The following TTC3 variants were observed in gnomAD, a reference collection of about 807,000 sequenced individuals.
TTC3 encodes the protein E3 ubiquitin-protein ligase TTC3.
Under a neutral mutation model 249.6 loss-of-function variants are expected in TTC3, and 180 were observed. The observed-to-expected ratio is 0.72, with a 90% CI of 0.64 to 0.82. The LOEUF (loss-of-function observed/expected upper bound fraction) is 0.82, where lower values mean the gene tolerates loss of function less well. Ranked by LOEUF, TTC3 falls within the 40% of genes least tolerant of loss-of-function variation. The pLI is 0.00. For synonymous variants in TTC3, 717 were observed against 805.0 expected (o/e 0.89, Z 1.85); for missense variants, 2,061 against 2,398.4 (o/e 0.86, Z 2.94).
At chr21:37,104,606 A>G (rs111792499) in intron 10 of TTC3, among the ~76,000 whole-genome samples, 3,773 of 150,804 alleles carry the variant, frequency 0.025, 79 homozygotes, top group Non-Finnish European at 0.036. Context: ...AAAAAAAAAA[A>G]AAAGAAAGAA....
intron 28 of TTC3, among the ~76,000 whole-genome samples, chr21:37,158,588 C>T (rs370451731): frequency 2.0e-5 from 3 of 152,132 alleles, no homozygotes; most frequent in Admixed American, 2.0e-4. Flanking sequence ...TTGAGAGCCC[C>T]GACTTTTTCC....
intron 35 of TTC3, among the ~76,000 whole-genome samples, chr21:37,174,778 C>T (rs900593367): frequency 2.3e-4 from 35 of 152,098 alleles, no homozygotes; most frequent in African/African-American, 8.0e-4. Context: ...CTTTGACCCT[C>T]GGTCTTCTCA....
At chr21:37,135,462 C>T (rs2077844409) in exon 18 of TTC3, 17 of 1,614,064 alleles carry the variant, frequency 1.1e-5, no homozygotes, top group Non-Finnish European at 1.4e-5. Context: ...TGCCGCAGCG[C>T]TGCACAGGCC....
Position 37,147,612 on chromosome 21 carries a change from T to C in TTC3, c.2016+9T>C. On this transcript the variant is annotated intron_variant, in intron 22 of 45. Transcript: ENST00000355666. ...CTGATCCAGACTTTAAGGTAAATAA[T>C]GAGTGTACAGTGGGACATTAACTTG... is the stretch of plus-strand genomic sequence containing the variant. 1 of 1,598,160 alleles carries C rather than the reference T, an allele frequency of 6.3e-7. No individual in the cohort carries two copies. The highest frequency in any genetic ancestry group is 8.5e-7 in the Non-Finnish European group (1 of 1,175,076).
chr21:37,166,185 A>G lies in TTC3; in HGVS notation c.3971A>G (p.Gln1324Arg), dbSNP rs1452242274. 4 of 1,614,110 alleles carry G rather than the reference A, an allele frequency of 2.5e-6. No individual in the cohort carries two copies. The East Asian group carries it at 8.9e-5, about 36-fold the overall frequency. Residue 1324 changes from glutamine to arginine, a missense_variant, in exon 33 of 46, where the codon CAG (glutamine) becomes CGG (arginine). Around this residue, in one of 3 missense-constraint regions of TTC3, gnomAD observed 1,040 missense variants for 1,186.1 expected, o/e 0.88. Transcript: ENST00000355666. ...GGATACTGTACGTATCTTCCTTTCC[A>G]GAGATTTGATATCACCCAGACACCG...
At chr21:37,154,975 G>A (rs762349908) in intron 27 of TTC3, among the ~76,000 whole-genome samples, 2 of 152,170 alleles carry the variant, frequency 1.3e-5, no homozygotes, top group African/African-American at 2.4e-5. Flanking sequence ...GATTACAGGC[G>A]TCAGCCACCG....
At chr21:37,100,240 G>A (rs1251213148) in intron 10 of TTC3, among the ~76,000 whole-genome samples, 1 of 152,138 alleles carries the variant, frequency 6.6e-6, no homozygotes. Flanking sequence ...AAGGTGGTAT[G>A]CCATTGGTAC....
At chr21:37,173,412 T>G (rs1053174191) in intron 35 of TTC3, among the ~76,000 whole-genome samples, 4 of 152,206 alleles carry the variant, frequency 2.6e-5, no homozygotes, top group South Asian at 2.1e-4. Context: ...TGAGATCTGC[T>G]GACCTTGAAT....
exon 17 of TTC3, chr21:37,132,708 C>T: frequency 6.2e-7 from 1 of 1,607,558 alleles, no homozygotes; most frequent in Non-Finnish European, 8.5e-7. Flanking sequence ...ACTTTACCAG[C>T]AGATTTGAAG....
chr21:37,083,012 G>C, intron 1 of TTC3: 1 of 985,328 alleles, frequency 1.0e-6, no homozygotes, highest in Non-Finnish European at 1.2e-6. Flanking sequence ...ATATCCTCTG[G>C]ATCCATAGTG....
Position 37,197,703 on chromosome 21 carries a change from T to A in TTC3, c.5706+7T>A, listed in dbSNP as rs1478772131. 6.3e-7 allele frequency: 1 copy of A among 1,598,472 alleles called. No individual in the cohort carries two copies. Among genetic ancestry groups the A allele is most frequent in the African/African-American group, 1.4e-5 (1 of 73,962 alleles). ...TGAACAGAAAAAGAAAAAGGTATTT[T>A]ATCTAGATGTTCCAGTTTATCCTTA... On this transcript the variant is annotated splice_region_variant and intron_variant, in intron 43 of 45. Coordinates refer to ENST00000355666, the Ensembl canonical transcript of TTC3.
intron 17 of TTC3, among the ~76,000 whole-genome samples, chr21:37,135,142 G>C (rs1317764250): frequency 6.6e-6 from 1 of 152,174 alleles, no homozygotes; most frequent in Non-Finnish European, 1.5e-5. Context: ...TGTAAAATGA[G>C]CCACCTTTGT....
At chr21:37,145,465 G>T (rs753683905) in intron 21 of TTC3, among the ~76,000 whole-genome samples, 1 of 152,176 alleles carries the variant, frequency 6.6e-6, no homozygotes, top group South Asian at 2.1e-4. Flanking sequence ...ATTAGGATGT[G>T]GGCAGACAAT....
chr21:37,153,152 A>G (rs1158811104), exon 27 of TTC3: 12 of 1,614,130 alleles, frequency 7.4e-6, no homozygotes, highest in East Asian at 2.2e-5. Context: ...GCAGTGGACT[A>G]TGTTATTCGC....
intron 35 of TTC3, 136 bp from the exon 36 acceptor site, chr21:37,182,638 C>A (rs537098489): frequency 3.4e-6 from 3 of 878,268 alleles, no homozygotes; most frequent in Non-Finnish European, 4.9e-6. Flanking sequence ...TGCCACAGGG[C>A]GCCAGCTTGG....
In TTC3 at chr21:37,088,843, T is replaced by C. The variant is rs567048887; in HGVS notation, c.383T>C (p.Leu128Pro). ...ATAAATTTGAAGAAACTACAACATC[T>C]TGAGTTGATGGAAGATATTGTGGAT... The change falls in exon 5 of 46, where the codon CTT (leucine) becomes CCT (proline). Residue 128 changes from leucine (L) to proline (P), a missense_variant. Physicochemically the swap from Leu to Pro is moderately conservative, Grantham distance 98. Around this residue, in one of 3 missense-constraint regions of TTC3, gnomAD observed 989 missense variants for 1,145.1 expected, o/e 0.86. Transcript: ENST00000355666. 4.3e-6 allele frequency: 7 copies of C among 1,613,782 alleles called. No homozygotes were observed. The South Asian group carries it at 6.6e-5, about 15-fold the overall frequency.
At chr21:37,115,766 TC>T (rs2076091095) in intron 11 of TTC3, among the ~76,000 whole-genome samples, 1 of 152,182 alleles carries the variant, frequency 6.6e-6, no homozygotes, top group African/African-American at 2.4e-5. Context: ...TCCTCACTGT[TC>T]CTCAGACATT....
At chr21:37,173,837 T>C (rs1233907805) in intron 35 of TTC3, among the ~76,000 whole-genome samples, 1 of 152,232 alleles carries the variant, frequency 6.6e-6, no homozygotes, top group Non-Finnish European at 1.5e-5. Flanking sequence ...CCTGAGACTT[T>C]ACTCAGTTTC....
intron 27 of TTC3, among the ~76,000 whole-genome samples, chr21:37,155,308 GGA>G (rs1601841069): frequency 6.6e-6 from 1 of 151,986 alleles, no homozygotes; most frequent in Non-Finnish European, 1.5e-5. Context: ...AAGGAGGGAG[GGA>G]GAGAGAGAAA....
Sources: allele counts gnomAD v4.1 joint callset (sites outside exome capture counted in the v4.1 genomes callset), GRCh38; gene constraint gnomAD v4.1.1; regional missense constraint gnomAD v4.1.1; transcripts MANE v1.5; gene names NCBI Gene and HGNC (gene_info 2026-07-23, HGNC 2026-07-21).